Variants in RAB3IP observed in about 807,000 individuals in gnomAD.
RAB3IP encodes the protein rab-3A-interacting protein.
Under a neutral mutation model 59.1 loss-of-function variants are expected in RAB3IP, and 36 were observed. That is an observed-to-expected ratio of 0.61 (90% CI 0.47 to 0.80). RAB3IP has a LOEUF of 0.80. Among genes scored for constraint, RAB3IP ranks in the 30% least tolerant of loss-of-function variants. The pLI, the probability that RAB3IP is intolerant of heterozygous loss-of-function variation, is 0.00. For missense variants in RAB3IP, 511 were observed against 536.0 expected (o/e 0.95, Z 0.46); for synonymous variants, 207 against 191.2 (o/e 1.08, Z -0.68).
Position 69,755,298 on chromosome 12 carries a change from T to G in RAB3IP, c.-25-86T>G, listed in dbSNP as rs143144983. 3.5e-5 allele frequency: 43 copies of G among 1,212,476 alleles called. No individual in the cohort carries two copies. In the African/African-American group the frequency reaches 6.3e-4, roughly 18 times the overall value. 75.1% of individuals were successfully genotyped at this position (1,212,476 alleles called of 1,614,324 possible). On this transcript the variant is annotated intron_variant, in intron 1 of 10. Coordinates refer to ENST00000247833, the MANE Select transcript of RAB3IP (RefSeq NM_022456.5). Reference sequence around the variant, plus strand: ...AAGCTTATAATTTACAATGGACTGTTAAACACATTTTATAATTTATGCATT... The same window carrying G: ...AAGCTTATAATTTACAATGGACTGTGAAACACATTTTATAATTTATGCATT...
At chr12:69,797,215 G>A (rs1255488441) in intron 6 of RAB3IP, among the ~76,000 whole-genome samples, 1 of 152,182 alleles carries the variant, frequency 6.6e-6, no homozygotes, top group Admixed American at 6.5e-5. Flanking sequence ...TACATGCCCA[G>A]TGCAAGGCTT....
chr12:69,788,959 A>G (rs11830569), intron 4 of RAB3IP, among the ~76,000 whole-genome samples: 1,881 of 152,230 alleles, frequency 0.012, 43 homozygotes, highest in African/African-American at 0.04. Context: ...CTTTGAGTCA[A>G]AAAATCAAAA....
intron 1 of RAB3IP, among the ~76,000 whole-genome samples, chr12:69,742,473 T>C (rs1404065745): frequency 1.3e-5 from 2 of 152,184 alleles, no homozygotes; most frequent in Non-Finnish European, 2.9e-5. Flanking sequence ...ATTTATGAAC[T>C]TTGATATTTG....
chr12:69,757,217 T>C (rs1347331047), intron 3 of RAB3IP, among the ~76,000 whole-genome samples: 1 of 152,194 alleles, frequency 6.6e-6, no homozygotes, highest in African/African-American at 2.4e-5. Flanking sequence ...GGAAAATTTA[T>C]AGAATGAAAT....
intron 8 of RAB3IP, among the ~76,000 whole-genome samples, chr12:69,803,838 T>C (rs567703106): frequency 7.9e-4 from 120 of 152,368 alleles, no homozygotes; most frequent in African/African-American, 2.5e-3. Context: ...TCATCATTTT[T>C]TATGGCTACA....
chr12:69,789,330 TAAAA>T (rs1162016176), intron 4 of RAB3IP, among the ~76,000 whole-genome samples: 1 of 151,932 alleles, frequency 6.6e-6, no homozygotes, highest in Non-Finnish European at 1.5e-5. Flanking sequence ...GCTTCAGAAA[TAAAA>T]AAGATCATAA....
chr12:69,786,593 A>G (rs1384962930), intron 4 of RAB3IP, among the ~76,000 whole-genome samples: 1 of 152,078 alleles, frequency 6.6e-6, no homozygotes, highest in Non-Finnish European at 1.5e-5. Flanking sequence ...AGTGATATGG[A>G]TATTAGGTAA....
intron 1 of RAB3IP, among the ~76,000 whole-genome samples, chr12:69,753,782 G>A (rs184115158): frequency 2.6e-4 from 40 of 152,240 alleles, no homozygotes; most frequent in Non-Finnish European, 2.6e-4. Flanking sequence ...AAGAAGTTTG[G>A]TCTCTATTCA....
At chr12:69,785,448 T>C (rs564347428) in intron 4 of RAB3IP, among the ~76,000 whole-genome samples, 8 of 152,262 alleles carry the variant, frequency 5.3e-5, no homozygotes, top group South Asian at 2.1e-4. Context: ...CTTGCTGTTA[T>C]GGAGGCTGGC....
In RAB3IP at chr12:69,801,739, T is replaced by C; in HGVS notation, c.1130+18T>C. Reference sequence around the variant, plus strand: ...GGACCAAAGTAGGTTTTTACGTGCATGAACTGTGAAAGTGACTGAGTTTTT... The same window carrying C: ...GGACCAAAGTAGGTTTTTACGTGCACGAACTGTGAAAGTGACTGAGTTTTT... On this transcript the variant is annotated intron_variant, in intron 8 of 10. Transcript: ENST00000247833. The C allele has an allele frequency of 6.9e-7, 1 of 1,452,158 alleles. No homozygotes were observed. The highest frequency in any genetic ancestry group is 1.4e-5 in the African/African-American group (1 of 71,676). 90.0% of individuals were successfully genotyped at this position (1,452,158 alleles called of 1,614,324 possible).
Position 69,801,652 on chromosome 12 carries a change from G to A in RAB3IP, c.1061G>A (p.Ser354Asn), listed in dbSNP as rs991195508. 5 of 1,612,854 alleles carry A rather than the reference G, an allele frequency of 3.1e-6. No individual in the cohort carries two copies. In the East Asian group the frequency reaches 8.9e-5, roughly 29 times the overall value. The change falls in exon 8 of 11, where the codon AGC becomes AAC. Residue 354 changes from serine to asparagine, a missense_variant. Transcript: ENST00000247833. ...VLEAVENNTL[S>N]IEPVGLQPIR... ...GAGGCTGTGGAAAACAATACTCTAA[G>A]CATTGAACCAGTGGGATTACAACCT... is the stretch of plus-strand genomic sequence containing the variant.
intron 6 of RAB3IP, chr12:69,795,646 C>A: frequency 2.2e-6 from 1 of 456,830 alleles, no homozygotes; most frequent in Admixed American, 3.9e-5. Flanking sequence ...TCTGGCTAGT[C>A]AAAATTTATT....
intron 3 of RAB3IP, among the ~76,000 whole-genome samples, chr12:69,758,002 CAT>C (rs763089942): frequency 9.9e-5 from 15 of 152,182 alleles, no homozygotes; most frequent in East Asian, 3.8e-4. Flanking sequence ...TGTGTAAACA[CAT>C]ATGTGGTGAC....
chr12:69,784,765 C>T lies in RAB3IP; in HGVS notation c.556C>T (p.Arg186Ter), dbSNP rs751436528. The change falls in exon 4 of 11, where the codon CGA (arginine) becomes TGA (stop). Residue 186 changes from arginine to a stop codon, truncating the protein, a stop_gained. Coordinates refer to ENST00000247833, the MANE Select transcript of RAB3IP (RefSeq NM_022456.5). LOFTEE classifies it high-confidence loss of function. ...AGAATGTGAGAGGCTTTCAAAAGTG[C>T]GAGATCAACTTGGACAGGAATTGGA... Reference protein sequence around the residue: ...DEECERLSKVRDQLGQELEEL... With the variant: ...DEECERLSKV The T allele has an allele frequency of 3.1e-6, 5 of 1,608,176 alleles. No homozygotes were observed. Among genetic ancestry groups the T allele is most frequent in the Admixed American group, 1.7e-5 (1 of 59,510 alleles).
intron 1 of RAB3IP, among the ~76,000 whole-genome samples, chr12:69,753,048 C>G (rs1265310141): frequency 6.6e-6 from 1 of 152,130 alleles, no homozygotes; most frequent in African/African-American, 2.4e-5. Flanking sequence ...GGACTAGTTT[C>G]ATTTTGAAGA....
At chr12:69,770,443 C>T (rs12578520) in intron 3 of RAB3IP, among the ~76,000 whole-genome samples, 32,291 of 152,052 alleles carry the variant, frequency 0.21, 4,157 homozygotes, top group Middle Eastern at 0.35. Flanking sequence ...AGTTGTTATA[C>T]TGTATTGTCT....
At chr12:69,815,271 A>C in intron 10 of RAB3IP, 93 bp from the exon 11 acceptor site, 1 of 896,784 alleles carries the variant, frequency 1.1e-6, no homozygotes, top group Non-Finnish European at 1.8e-6. Flanking sequence ...GGAAATGCAC[A>C]ATTGACATTT....
chr12:69,791,765 C>T (rs1876659190), intron 4 of RAB3IP, among the ~76,000 whole-genome samples: 1 of 152,068 alleles, frequency 6.6e-6, no homozygotes, highest in African/African-American at 2.4e-5. Flanking sequence ...AGTTTCTGCT[C>T]AAAAAATTAA....
In RAB3IP at chr12:69,798,953, C is replaced by G. The variant is rs549902029; in HGVS notation, c.889-1256C>G. 6.0e-4 allele frequency among the ~76,000 whole-genome samples: 92 copies of G among 152,214 alleles called. 2 individuals carry two copies. The South Asian group carries it at 6.8e-3, about 11-fold the overall frequency. On this transcript the variant is annotated intron_variant, in intron 6 of 10. Coordinates refer to ENST00000247833, the MANE Select transcript of RAB3IP (RefSeq NM_022456.5). ...AGCCAGGAGGTAAGTGAATTAGGAA[C>G]AAAGATTAAAGAGTCTTATTTAGAA... is the stretch of plus-strand genomic sequence containing the variant.
Sources: allele counts gnomAD v4.1 joint callset (sites outside exome capture counted in the v4.1 genomes callset), GRCh38; gene constraint gnomAD v4.1.1; transcripts MANE v1.5; gene names NCBI Gene and HGNC (gene_info 2026-07-23, HGNC 2026-07-21).